The following NEK10 variants were observed in gnomAD, a reference collection of about 807,000 sequenced individuals.
NEK10 encodes the protein NIMA related kinase 10, also known as serine/threonine-protein kinase Nek10.
In NEK10, 122 loss-of-function variants were observed where a neutral mutation model predicts 159.8. That is an observed-to-expected ratio of 0.76 (90% confidence interval 0.66 to 0.89). The LOEUF is 0.89. Among genes scored for constraint, NEK10 ranks in the 40% least tolerant of loss-of-function variants. NEK10 has a pLI of 0.00. For synonymous variants in NEK10, 466 were observed against 457.1 expected, an observed-to-expected ratio of 1.02 and a Z score of -0.25; for missense variants, 1,342 against 1,323.1, an observed-to-expected ratio of 1.01 and a Z score of -0.22.
chr3:27,181,743 T>C (rs902708642), intron 26 of NEK10, among the ~76,000 whole-genome samples: 1 of 152,292 alleles, frequency 6.6e-6, no homozygotes, highest in South Asian at 2.1e-4. Flanking sequence ...CTTCTCTCAC[T>C]ATGAAGGAGG....
intron 29 of NEK10, among the ~76,000 whole-genome samples, chr3:27,167,323 G>C (rs1348064999): frequency 6.6e-6 from 1 of 152,164 alleles, no homozygotes; most frequent in Non-Finnish European, 1.5e-5. Context: ...GTACCTATGT[G>C]CAATACACTG....
At chr3:27,144,969 A>G (rs945958898) in intron 30 of NEK10, among the ~76,000 whole-genome samples, 1 of 152,076 alleles carries the variant, frequency 6.6e-6, no homozygotes, top group Non-Finnish European at 1.5e-5. Flanking sequence ...TGATCCACCC[A>G]CCTCGACCTC....
intron 22 of NEK10, among the ~76,000 whole-genome samples, chr3:27,282,903 G>T (rs951723574): frequency 1.3e-5 from 2 of 151,558 alleles, no homozygotes; most frequent in Non-Finnish European, 2.9e-5. Flanking sequence ...AAAAGCCTAA[G>T]GTAAACAAAG....
At chr3:27,356,053 GA>G (rs1225717441) in intron 1 of NEK10, among the ~76,000 whole-genome samples, 1 of 152,162 alleles carries the variant, frequency 6.6e-6, no homozygotes, top group Admixed American at 6.5e-5. Context: ...TTTCAGGAAT[GA>G]GTTCTCTCTC....
At chr3:27,302,780 T>A (rs922601690) in intron 12 of NEK10, among the ~76,000 whole-genome samples, 3 of 152,210 alleles carry the variant, frequency 2.0e-5, no homozygotes, top group Non-Finnish European at 4.4e-5. Context: ...ACTAGTGTCC[T>A]CCCTGCAATG....
At chr3:27,329,189 G>C (rs910880520) in intron 5 of NEK10, among the ~76,000 whole-genome samples, 10 of 152,176 alleles carry the variant, frequency 6.6e-5, no homozygotes, top group Non-Finnish European at 1.5e-4. Flanking sequence ...TGCCATCCAT[G>C]TAAGACATGA....
In NEK10 at chr3:27,359,772, C is replaced by A. The variant is rs186749524; in HGVS notation, c.-37-6853G>T. Among the ~76,000 whole-genome samples the A allele has an allele frequency of 1.8e-3, 272 of 152,266 alleles. 1 individual carries two copies. Among genetic ancestry groups the A allele is most frequent in the Non-Finnish European group, 3.4e-3 (230 of 67,994 alleles). ...GAATTCTGTGCTGTTTTTGCAGTTTCTATGTTACGTCTAAAATTATTTCAA... is the reference window on the plus strand; with the variant it reads ...GAATTCTGTGCTGTTTTTGCAGTTTATATGTTACGTCTAAAATTATTTCAA... On this transcript the variant is annotated intron_variant, in intron 1 of 35. Coordinates refer to ENST00000691995, the MANE Select transcript of NEK10 (RefSeq NM_001394966.1).
intron 23 of NEK10, among the ~76,000 whole-genome samples, chr3:27,206,047 GGGCACTAATCCCATTGGTGAGGGCAGA>G (rs1950513629): frequency 6.6e-6 from 1 of 152,160 alleles, no homozygotes; most frequent in Non-Finnish European, 1.5e-5. Context: ...TCTTTTATAA[GGGCACTAATCCCATTGGTGAGGGCAGA>G]GCCCTCATGA....
At chr3:27,322,544 G>T (rs1387021871) in intron 5 of NEK10, among the ~76,000 whole-genome samples, 1 of 152,094 alleles carries the variant, frequency 6.6e-6, no homozygotes, top group Non-Finnish European at 1.5e-5. Context: ...TCAAACGAAA[G>T]AGCTAAATGT....
intron 1 of NEK10, among the ~76,000 whole-genome samples, chr3:27,366,031 C>G (rs1015089823): frequency 3.9e-5 from 6 of 152,138 alleles, no homozygotes; most frequent in Admixed American, 1.3e-4. Flanking sequence ...TGTCCACAAG[C>G]TGATGATTAC....
intron 23 of NEK10, among the ~76,000 whole-genome samples, chr3:27,242,435 C>G (rs1269760355): frequency 6.6e-6 from 1 of 152,226 alleles, no homozygotes; most frequent in Admixed American, 6.5e-5. Flanking sequence ...TTACTGCCCT[C>G]TGCCCCCATT....
At chr3:27,133,919 C>G (rs1283994529) in intron 31 of NEK10, among the ~76,000 whole-genome samples, 1 of 152,164 alleles carries the variant, frequency 6.6e-6, no homozygotes, top group African/African-American at 2.4e-5. Context: ...TCTCCTCTGA[C>G]CTCTTTTCAG....
At chr3:27,243,957 T>G (rs1245358115) in intron 23 of NEK10, among the ~76,000 whole-genome samples, 1 of 152,142 alleles carries the variant, frequency 6.6e-6, no homozygotes. Flanking sequence ...GAATATCCAC[T>G]TGAGGGACAG....
chr3:27,260,801 A>G (rs2040342562), intron 22 of NEK10, among the ~76,000 whole-genome samples: 1 of 152,146 alleles, frequency 6.6e-6, no homozygotes, highest in Admixed American at 6.5e-5. Context: ...GAATGGTACC[A>G]GCTCTTCCTT....
At chr3:27,348,699 C>T (rs1304120530) in intron 3 of NEK10, among the ~76,000 whole-genome samples, 1 of 152,116 alleles carries the variant, frequency 6.6e-6, no homozygotes, top group African/African-American at 2.4e-5. Context: ...GGTGGCAATA[C>T]CATGCTTACC....
rs1372751952 is a variant in NEK10, at chr3:27,171,260, G to T, written c.2831+559C>A. 5.9e-5 allele frequency among the ~76,000 whole-genome samples: 9 copies of T among 152,152 alleles called. No homozygotes were observed. In the South Asian group the frequency reaches 1.7e-3, roughly 28 times the overall value. ...AATTTTGCTTTGCCTTTAAAAGACA[G>T]TCTCTCAAACATATTTCACCATCCC... is the stretch of plus-strand genomic sequence containing the variant. On this transcript the variant is annotated intron_variant, in intron 29 of 35. Coordinates refer to ENST00000691995, the MANE Select transcript of NEK10 (RefSeq NM_001394966.1).
chr3:27,153,469 T>C (rs1945095783), intron 30 of NEK10, among the ~76,000 whole-genome samples: 1 of 152,124 alleles, frequency 6.6e-6, no homozygotes, highest in Non-Finnish European at 1.5e-5. Context: ...AACAGATATA[T>C]ACAGAACATT....
intron 5 of NEK10, among the ~76,000 whole-genome samples, chr3:27,323,470 A>C (rs967122948): frequency 6.6e-6 from 1 of 152,182 alleles, no homozygotes; most frequent in African/African-American, 2.4e-5. Flanking sequence ...GATTCTGGGC[A>C]AAGCACCAAT....
At position 27,170,389 on chromosome 3, in the gene NEK10, T is replaced by C. The variant is rs1383482941; in HGVS notation, c.2831+1430A>G. On this transcript the variant is annotated intron_variant, in intron 29 of 35. Transcript: ENST00000691995. ...CCTAGCTGAATATACTCCACAAATC[T>C]AGACAGTCCTCTCAGCTGTCTAGAA... is the stretch of plus-strand genomic sequence containing the variant. Among the ~76,000 whole-genome samples the C allele has an allele frequency of 2.0e-5, 3 of 152,174 alleles. No homozygotes were observed. The East Asian group carries it at 5.8e-4, about 29-fold the overall frequency.
Sources: allele counts gnomAD v4.1 joint callset (sites outside exome capture counted in the v4.1 genomes callset), GRCh38; gene constraint gnomAD v4.1.1; transcripts MANE v1.5; gene names NCBI Gene and HGNC (gene_info 2026-07-23, HGNC 2026-07-21).